The following ERCC4 variants were observed in gnomAD, a reference collection of about 807,000 sequenced individuals.
ERCC4 encodes the protein ERCC excision repair 4, endonuclease catalytic subunit.
ERCC4 carries 65 observed loss-of-function variants against 76.9 expected under a neutral mutation model. The ratio of observed to expected loss-of-function variants is 0.84; its 90% CI spans 0.69 to 1.04. The LOEUF (loss-of-function observed/expected upper bound fraction) is 1.04, where lower values mean the gene tolerates loss of function less well. Among genes scored for constraint, ERCC4 ranks in the 50% least tolerant of loss-of-function variants. The probability of loss-of-function intolerance (pLI) is 0.00; values close to 1 mark genes in which losing one functional copy is unlikely to be tolerated. For synonymous variants in ERCC4, 463 were observed against 410.1 expected (o/e 1.13, Z -1.56); for missense variants, 1,214 against 1,128.2 (o/e 1.08, Z -1.09).
intron 4 of ERCC4, among the ~76,000 whole-genome samples, 191 bp downstream of exon 4, chr16:13,928,426 T>A (rs1275806069): frequency 6.6e-6 from 1 of 152,222 alleles, no homozygotes; most frequent in Non-Finnish European, 1.5e-5. Context: ...GATTGGCATA[T>A]AAGCATCACT....
intron 10 of ERCC4, 76 bp downstream of exon 10, chr16:13,944,911 G>C (rs1359276774): frequency 4.1e-6 from 4 of 968,988 alleles, no homozygotes; most frequent in Non-Finnish European, 6.7e-6. Flanking sequence ...CTCTGCCAAG[G>C]CTTGGTCTGT....
At chr16:13,941,214 G>GTGGAAATTTTAAATTATGTTAAATTTTAA (rs1464780149) in intron 9 of ERCC4, among the ~76,000 whole-genome samples, 8 of 152,262 alleles carry the variant, frequency 5.3e-5, no homozygotes, top group South Asian at 2.1e-4. Context: ...AAAAATTTCT[G>GTGGAAATTTTAAATTATGTTAAATTTTAA]CACCAGGTTT....
rs145315496 is a variant in ERCC4, at chr16:13,922,034, T to C, written c.211T>C (p.Tyr71His). Residue 71 changes from tyrosine to histidine, a missense_variant, in exon 2 of 11, where the codon TAT becomes CAT. Transcript: ENST00000311895. ...VLNTQPAEEE[Y>H]FINQLKIEGV... ...AATCAAGTTTGATTTGATTTAGGAG[T>C]ATTTTATCAATCAGCTGAAGATAGA... The C allele has an allele frequency of 3.7e-5, 59 of 1,611,996 alleles. No homozygotes were observed. In the African/African-American group the frequency reaches 7.5e-4, roughly 20 times the overall value.
chr16:13,929,799 A>T (rs1173642241), intron 4 of ERCC4, among the ~76,000 whole-genome samples: 29 of 152,124 alleles, frequency 1.9e-4, no homozygotes, highest in Non-Finnish European at 2.9e-5. Flanking sequence ...CCTCGTCTCT[A>T]CTAAAAATAC....
rs2032280734 is a variant in ERCC4 at position 13,935,843 on chromosome 16, G to A, written c.1811+100G>A. 3.0e-5 allele frequency: 28 copies of A among 926,022 alleles called. 1 individual carries two copies. In the South Asian group the frequency reaches 3.3e-4, roughly 11 times the overall value. The allele number at this position is 926,022 out of a possible 1,614,324, so 57.4% of individuals were successfully genotyped here. ...GTTAGTTTTCTTTAATATCCGTTAC[G>A]ATGCTGCTTATGTTTATGAAACCTT... On this transcript the variant is annotated intron_variant, in intron 8 of 10. Coordinates refer to ENST00000311895, the MANE Select transcript of ERCC4 (RefSeq NM_005236.3).
At position 13,920,334 on chromosome 16, in the gene ERCC4, T is replaced by C. The variant is rs2031945456; in HGVS notation, c.169T>C (p.Cys57Arg). The change falls in exon 1 of 11, where the codon TGC (cysteine) becomes CGC (arginine). Residue 57 changes from cysteine (C) to arginine (R), a missense_variant. Cys to Arg is a radical substitution (Grantham distance 180, BLOSUM62 -3). Coordinates refer to ENST00000311895, the MANE Select transcript of ERCC4 (RefSeq NM_005236.3). ...TCTCCAGCTGCACTGCCACCCAGCC[T>C]GCCTGGTGCTGGTGCTCAACACGCA... is the stretch of plus-strand genomic sequence containing the variant. The part of the protein sequence containing the change: ...HFLQLHCHPA[C>R]LVLVLNTQPA... The C allele has an allele frequency of 5.0e-6, 8 of 1,597,550 alleles. No homozygotes were observed. The highest frequency in any genetic ancestry group is 6.8e-6 in the Non-Finnish European group (8 of 1,178,342).
Position 13,920,226 on chromosome 16 carries a change from C to G in ERCC4, c.61C>G (p.Gln21Glu), listed in dbSNP as rs748499820. 5 of 1,607,846 alleles carry G rather than the reference C, an allele frequency of 3.1e-6. No homozygotes were observed. The highest frequency in any genetic ancestry group is 1.3e-5 in the African/African-American group (1 of 74,948). The change falls in exon 1 of 11, where the codon CAG becomes GAG. Residue 21 changes from glutamine to glutamate, a missense_variant. By Grantham distance (29) the Gln-to-Glu change is conservative (BLOSUM62 2). Transcript: ENST00000311895. ...GGCGCCGCTGCTGGAGTACGAGCGA[C>G]AGCTGGTGCTGGAACTGCTCGACAC... is the stretch of plus-strand genomic sequence containing the variant. ...AMAPLLEYER[Q>E]LVLELLDTDG...
At chr16:13,931,298 G>A (rs1003326708) in intron 5 of ERCC4, 6 of 214,916 alleles carry the variant, frequency 2.8e-5, no homozygotes, top group Non-Finnish European at 5.6e-5. Flanking sequence ...GAGATTTTAG[G>A]GAAATATACA....
At chr16:13,943,942 C>T (rs374205965) in intron 9 of ERCC4, 9 of 152,298 alleles carry the variant, frequency 5.9e-5, no homozygotes, top group Admixed American at 3.9e-4. Flanking sequence ...TTCCAAATTG[C>T]GAATCTTAGT....
At chr16:13,944,942 G>A (rs962237363) in intron 10 of ERCC4, 107 bp downstream of exon 10, 1 of 728,282 alleles carries the variant, frequency 1.4e-6, no homozygotes, top group Non-Finnish European at 2.5e-6. Context: ...TCTTAAAAAT[G>A]GGGGTTGGGC....
chr16:13,935,384 C>T lies in ERCC4; in HGVS notation c.1452C>T (p.Thr484=), dbSNP rs1420641422. 1 of 1,607,300 alleles carries T rather than the reference C, an allele frequency of 6.2e-7. No homozygotes were observed. The highest frequency in any genetic ancestry group is 1.7e-5 in the Admixed American group (1 of 58,512). The change falls in exon 8 of 11, where the codon ACC becomes ACT. Residue 484 remains threonine (T), a synonymous_variant. Coordinates refer to ENST00000311895, the MANE Select transcript of ERCC4 (RefSeq NM_005236.3). ...AACGGGCTTCTACCAAAGAAAGAACCCTCAAAAAGAAAAAACGGAAGTTGA... is the reference window on the plus strand; with the variant it reads ...AACGGGCTTCTACCAAAGAAAGAACTCTCAAAAAGAAAAAACGGAAGTTGA... The part of the protein sequence containing the change: ...NKERASTKER[T]LKKKKRKLTL...
At chr16:13,930,991 G>A (rs1318566357) in intron 5 of ERCC4, 101 bp downstream of exon 5, 12 of 768,098 alleles carry the variant, frequency 1.6e-5, no homozygotes, top group Non-Finnish European at 2.7e-5. Context: ...TCAACTATAT[G>A]TTATACTGAG....
In ERCC4 at chr16:13,948,145, A is replaced by G. The variant is rs754705146; in HGVS notation, c.2549A>G (p.Asp850Gly). 1 of 1,614,128 alleles carries G rather than the reference A, an allele frequency of 6.2e-7. No individual in the cohort carries two copies. Among genetic ancestry groups the G allele is most frequent in the East Asian group, 2.2e-5 (1 of 44,878 alleles). The part of the protein sequence containing the change: ...ESEKYNPGPQ[D>G]FLLKMPGVNA... ...GAGAAGTATAATCCTGGTCCCCAAG[A>G]CTTCTTGTTAAAAATGCCAGGGGTG... is the stretch of plus-strand genomic sequence containing the variant. Residue 850 changes from aspartate (D) to glycine (G), a missense_variant, in exon 11 of 11, where the codon GAC becomes GGC. Transcript: ENST00000311895.
intron 8 of ERCC4, among the ~76,000 whole-genome samples, chr16:13,936,198 G>T (rs1271540636): frequency 6.6e-6 from 1 of 152,130 alleles, no homozygotes; most frequent in Non-Finnish European, 1.5e-5. Context: ...TACTGTACCA[G>T]GTTTTCTTGA....
rs71150154 is a variant in ERCC4 at position 13,937,086 on chromosome 16, A to ATT, written c.1812-665_1812-664dup. 4.4e-4 allele frequency among the ~76,000 whole-genome samples: 56 copies of ATT among 128,720 alleles called. 1 individual carries two copies. Among genetic ancestry groups the ATT allele is most frequent in the Non-Finnish European group, 6.4e-4 (39 of 60,944 alleles). 84.4% of individuals were successfully genotyped at this position (128,720 alleles called of 152,430 possible). ...AGGCATGTGCCACCATGCTCAACTA[A>ATT]TTTTTTTTTTTTTTTTGTAGAGATG... is the stretch of plus-strand genomic sequence containing the variant. On this transcript the variant is annotated intron_variant, in intron 8 of 10. Coordinates refer to ENST00000311895, the MANE Select transcript of ERCC4 (RefSeq NM_005236.3).
rs2032593096 is a variant in ERCC4 at position 13,949,609 on chromosome 16, T to C, written c.*1262T>C. On this transcript the variant is annotated 3_prime_UTR_variant, in exon 11 of 11. Coordinates refer to ENST00000311895, the MANE Select transcript of ERCC4 (RefSeq NM_005236.3). ...AAATGAAAGATCAATGTATGGAATA[T>C]ATAAAAATACGAAAGAAATATATAC... 1 of 232,768 alleles carries C rather than the reference T, an allele frequency of 4.3e-6. No homozygotes were observed. Among genetic ancestry groups the C allele is most frequent in the Non-Finnish European group, 8.5e-6 (1 of 117,800 alleles). 14.4% of individuals were successfully genotyped at this position (232,768 alleles called of 1,614,324 possible).
intron 3 of ERCC4, 110 bp from the exon 4 acceptor site, chr16:13,927,918 T>C: frequency 1.3e-6 from 1 of 761,842 alleles, no homozygotes; most frequent in Non-Finnish European, 2.3e-6. Context: ...TTTGTTGTTT[T>C]GCTTTTCGTG....
intron 6 of ERCC4, chr16:13,933,096 GGTGAT>G (rs1171438257): frequency 2.6e-6 from 1 of 386,512 alleles, no homozygotes; most frequent in African/African-American, 2.2e-5. Flanking sequence ...AGCCTGGCGA[GGTGAT>G]GTGCACTTAT....
intron 9 of ERCC4, 32 bp downstream of exon 9, chr16:13,937,890 A>G (rs1467921492): frequency 7.3e-7 from 1 of 1,367,444 alleles, no homozygotes; most frequent in African/African-American, 1.4e-5. Context: ...TGAAAGCCCC[A>G]ACTACATTGG....
Sources: gnomAD v4.1 joint callset for allele counts (sites outside exome capture counted in the v4.1 genomes callset) on GRCh38, gnomAD v4.1.1 for gene constraint, MANE v1.5 for transcripts, NCBI Gene and HGNC (gene_info 2026-07-23, HGNC 2026-07-21) for gene names.